The following CHL1 variants were observed in gnomAD, a reference collection of about 807,000 sequenced individuals.
CHL1 encodes neural cell adhesion molecule L1-like protein.
A neutral mutation model predicts 141.9 loss-of-function variants in CHL1; 96 were observed. The ratio of observed to expected loss-of-function variants is 0.68; its 90% CI spans 0.57 to 0.80. The LOEUF (loss-of-function observed/expected upper bound fraction) is 0.80, where lower values mean the gene tolerates loss of function less well. Among genes scored for constraint, CHL1 ranks in the 30% least tolerant of loss-of-function variants. CHL1 has a pLI of 0.00. For synonymous variants in CHL1, 613 were observed against 502.2 expected (o/e 1.22, Z -2.95); for missense variants, 1,820 against 1,457.2 (o/e 1.25, Z -4.05).
chr3:288,637 C>CTT (rs1221008782), intron 2 of CHL1, among the ~76,000 whole-genome samples: 2 of 152,124 alleles, frequency 1.3e-5, no homozygotes, highest in African/African-American at 2.4e-5. Context: ...GCTCCCCTGC[C>CTT]AACCCCCTAC....
At chr3:342,841 A>G in intron 7 of CHL1, 143 bp from the exon 8 acceptor site, 1 of 580,238 alleles carries the variant, frequency 1.7e-6, no homozygotes, top group Admixed American at 3.6e-5. Flanking sequence ...GTAAAACTAT[A>G]TTCCCAAAGG....
At chr3:258,306 C>T (rs1376225627) in intron 2 of CHL1, among the ~76,000 whole-genome samples, 1 of 152,174 alleles carries the variant, frequency 6.6e-6, no homozygotes, top group East Asian at 1.9e-4. Flanking sequence ...TTTCAGGCAA[C>T]AAGACCTCAG....
chr3:391,807 A>G lies in CHL1; in HGVS notation c.2914+10A>G. ...TTGCAATATCAGATAAGTAAGTAGA[A>G]ATTTGAATTGGAGTTAACTTGTTAA... On this transcript the variant is annotated intron_variant, in intron 23 of 27. Coordinates refer to ENST00000256509, the MANE Select transcript of CHL1 (RefSeq NM_006614.4). The G allele has an allele frequency of 6.3e-7, 1 of 1,575,064 alleles. No individual in the cohort carries two copies. The highest frequency in any genetic ancestry group is 8.6e-7 in the Non-Finnish European group (1 of 1,160,898).
chr3:366,236 C>G, intron 15 of CHL1, 121 bp downstream of exon 15: 2 of 870,586 alleles, frequency 2.3e-6, no homozygotes, highest in Non-Finnish European at 3.6e-6. Flanking sequence ...TTTGGGAGAC[C>G]GAGGCGAGTG....
intron 15 of CHL1, among the ~76,000 whole-genome samples, chr3:372,025 G>A (rs1338217651): frequency 2.0e-5 from 3 of 152,034 alleles, no homozygotes; most frequent in African/African-American, 4.8e-5. Flanking sequence ...CTTTCTCTCT[G>A]GCTGCCCTGA....
intron 24 of CHL1, 28 bp downstream of exon 24, chr3:394,900 T>C (rs748707457): frequency 1.5e-5 from 23 of 1,541,440 alleles, no homozygotes; most frequent in South Asian, 3.6e-5. Context: ...CTCTTTTTAA[T>C]AGAGGCTTTA....
chr3:210,237 C>T (rs893423926), intron 1 of CHL1, among the ~76,000 whole-genome samples: 1 of 152,222 alleles, frequency 6.6e-6, no homozygotes, highest in Non-Finnish European at 1.5e-5. Flanking sequence ...TTTCCACTTA[C>T]CTATCACTGA....
In CHL1 at chr3:336,519, G is replaced by T. The variant is rs184711904; in HGVS notation, c.386-4275G>T. 3.9e-4 allele frequency among the ~76,000 whole-genome samples: 60 copies of T among 152,250 alleles called. 1 individual carries two copies. The highest frequency in any genetic ancestry group is 1.4e-3 in the African/African-American group (57 of 41,554). The stretch of plus-strand genomic sequence containing the variant: ...TTTATTATATCTCTACCCTTAAGAA[G>T]CTTCTACCCTGGTGAGGTGTTTGAG... On this transcript the variant is annotated intron_variant, in intron 5 of 27. Coordinates refer to ENST00000256509, the MANE Select transcript of CHL1 (RefSeq NM_006614.4).
At chr3:375,024 A>T (rs917209366) in intron 15 of CHL1, among the ~76,000 whole-genome samples, 6 of 152,062 alleles carry the variant, frequency 3.9e-5, no homozygotes, top group African/African-American at 1.4e-4. Flanking sequence ...ACTCTGAACC[A>T]TTAGACCTAC....
intron 5 of CHL1, among the ~76,000 whole-genome samples, chr3:335,394 G>A (rs1701780878): frequency 6.6e-6 from 1 of 152,204 alleles, no homozygotes; most frequent in Admixed American, 6.5e-5. Flanking sequence ...GAAAGCCAGT[G>A]TTATTTCTCT....
rs187325022 is a variant in CHL1, at chr3:307,979, G to T, written c.-94-11704G>T. Among the ~76,000 whole-genome samples, 3 of 152,288 alleles carry T rather than the reference G, an allele frequency of 2.0e-5. No individual in the cohort carries two copies. The East Asian group carries it at 5.8e-4, about 29-fold the overall frequency. ...AAGAACCACTAAAACCTATGAATAT[G>T]GTTGGCCTTAAGTAGACACTGTAAA... is the stretch of plus-strand genomic sequence containing the variant. On this transcript the variant is annotated intron_variant, in intron 2 of 27. Coordinates refer to ENST00000256509, the MANE Select transcript of CHL1 (RefSeq NM_006614.4).
intron 4 of CHL1, among the ~76,000 whole-genome samples, chr3:326,701 G>A (rs965882456): frequency 1.1e-4 from 17 of 151,834 alleles, no homozygotes; most frequent in African/African-American, 4.1e-4. Context: ...AAGTGAGAAG[G>A]GAGAGGCTGT....
rs748677336 is a variant in CHL1, at chr3:390,929, C to A, written c.2587-26C>A. 169 of 1,599,886 alleles carry A rather than the reference C, an allele frequency of 1.1e-4. No homozygotes were observed. The Admixed American group carries it at 1.8e-3, about 17-fold the overall frequency. ...AGAATCTGCGACCACAATGGATATACTAAAAGATTTTGGTTTTCATTGCAG... is the reference window on the plus strand; with the variant it reads ...AGAATCTGCGACCACAATGGATATAATAAAAGATTTTGGTTTTCATTGCAG... On this transcript the variant is annotated intron_variant, in intron 21 of 27. Transcript: ENST00000256509.
At chr3:325,622 A>G (rs1700942354) in intron 3 of CHL1, among the ~76,000 whole-genome samples, 1 of 152,086 alleles carries the variant, frequency 6.6e-6, no homozygotes, top group Non-Finnish European at 1.5e-5. Flanking sequence ...GTAAAAATGC[A>G]TATGCATGCT....
chr3:331,462 G>C (rs1056593443), intron 5 of CHL1, among the ~76,000 whole-genome samples: 2 of 151,924 alleles, frequency 1.3e-5, no homozygotes, highest in Admixed American at 6.6e-5. Context: ...GGGTGGTCTT[G>C]ACCTCCCAGC....
intron 2 of CHL1, among the ~76,000 whole-genome samples, chr3:267,260 A>G (rs1223228181): frequency 1.3e-5 from 2 of 152,218 alleles, no homozygotes; most frequent in Admixed American, 6.5e-5. Flanking sequence ...TTATGCTAAG[A>G]TGAAGAGTCT....
chr3:249,819 G>T (rs1191594519), intron 2 of CHL1, among the ~76,000 whole-genome samples: 1 of 151,996 alleles, frequency 6.6e-6, no homozygotes, highest in East Asian at 1.9e-4. Context: ...AATTTTTGTT[G>T]TTTCAGTACA....
chr3:348,391 G>T lies in CHL1; in HGVS notation c.849-968G>T, dbSNP rs142570597. ...TTGCATCAATAAAATTAGCAAAGTT[G>T]TTTCTCCTACTCACTTATAGAACCT... On this transcript the variant is annotated intron_variant, in intron 9 of 27. Coordinates refer to ENST00000256509, the MANE Select transcript of CHL1 (RefSeq NM_006614.4). Among the ~76,000 whole-genome samples, 560 of 152,256 alleles carry T rather than the reference G, an allele frequency of 3.7e-3. 6 individuals are homozygous for T. Among genetic ancestry groups the T allele is most frequent in the African/African-American group, 0.012 (515 of 41,542 alleles).
intron 2 of CHL1, among the ~76,000 whole-genome samples, chr3:251,079 A>G (rs945364057): frequency 6.6e-6 from 1 of 152,166 alleles, no homozygotes; most frequent in Non-Finnish European, 1.5e-5. Context: ...GCGCCAGAAT[A>G]TGGTGATTTG....
Sources: gnomAD v4.1 joint callset for allele counts (sites outside exome capture counted in the v4.1 genomes callset) on GRCh38, gnomAD v4.1.1 for gene constraint, MANE v1.5 for transcripts, NCBI Gene and HGNC (gene_info 2026-07-23, HGNC 2026-07-21) for gene names.